The following HNRNPUL1 variants were observed in gnomAD, a reference collection of about 807,000 sequenced individuals.
HNRNPUL1 encodes the protein heterogeneous nuclear ribonucleoprotein U-like protein 1.
Under a neutral mutation model 108.5 loss-of-function variants are expected in HNRNPUL1, and 14 were observed. The observed-to-expected ratio is 0.13, with a 90% confidence interval of 0.09 to 0.20. The LOEUF is 0.20. Among genes scored for constraint, HNRNPUL1 ranks in the 10% least tolerant of loss-of-function variants. The pLI, the probability that HNRNPUL1 is intolerant of heterozygous loss-of-function variation, is 1.00. For synonymous variants in HNRNPUL1, 422 were observed against 445.2 expected (o/e 0.95, Z 0.66); for missense variants, 804 against 1,168.3 (o/e 0.69, Z 4.55).
chr19:41,280,781 C>T (rs1419528653), intron 6 of HNRNPUL1: 1 of 191,614 alleles, frequency 5.2e-6, no homozygotes, highest in African/African-American at 2.3e-5. Context: ...AATCCAGCCC[C>T]TTCACTGATT....
At chr19:41,266,922 TAG>T (rs778281854) in intron 1 of HNRNPUL1, among the ~76,000 whole-genome samples, 3 of 152,162 alleles carry the variant, frequency 2.0e-5, no homozygotes, top group Non-Finnish European at 4.4e-5. Context: ...TGTGTGTGTC[TAG>T]AGCAGGAGGG....
At chr19:41,306,339 C>T in intron 14 of HNRNPUL1, 110 bp from the exon 15 acceptor site, 1 of 684,578 alleles carries the variant, frequency 1.5e-6, no homozygotes, top group Non-Finnish European at 2.5e-6. Context: ...GACCTGTGTT[C>T]AACTGTTGTC....
upstream of HNRNPUL1, among the ~76,000 whole-genome samples, chr19:41,263,484 G>A (rs1214989046): frequency 6.6e-6 from 1 of 152,162 alleles, no homozygotes; most frequent in Non-Finnish European, 1.5e-5. Context: ...TCCACGTCAG[G>A]TACCCGACCA....
chr19:41,276,976 C>T (rs2035594308), intron 5 of HNRNPUL1, among the ~76,000 whole-genome samples: 1 of 151,636 alleles, frequency 6.6e-6, no homozygotes, highest in Non-Finnish European at 1.5e-5. Flanking sequence ...CGGGTGCCTG[C>T]AATCCTAGCT....
intron 7 of HNRNPUL1, among the ~76,000 whole-genome samples, chr19:41,287,272 C>T (rs907318535): frequency 3.3e-5 from 5 of 152,046 alleles, no homozygotes; most frequent in African/African-American, 1.2e-4. Context: ...CCTCGGCCTC[C>T]CAGAGTGCTA....
Position 41,292,312 on chromosome 19 carries a change from T to A in HNRNPUL1, c.1067T>A (p.Phe356Tyr). The part of the protein sequence containing the change: ...TKNGKWMGIA[F>Y]RIQKEALGGQ... Reference sequence around the variant, plus strand: ...AATGGAAAGTGGATGGGCATTGCTTTCCGAATCCAGAAGGAAGCCTTGGGG... The same window carrying A: ...AATGGAAAGTGGATGGGCATTGCTTACCGAATCCAGAAGGAAGCCTTGGGG... The change falls in exon 8 of 15, where the codon TTC becomes TAC. Residue 356 changes from phenylalanine (F) to tyrosine (Y), a missense_variant. Phe to Tyr is a conservative substitution (Grantham distance 22, BLOSUM62 3). Coordinates refer to ENST00000392006, the MANE Select transcript of HNRNPUL1 (RefSeq NM_007040.6). This position sits in a 1 kb window ranked among gnomAD's most constrained non-coding sequence, Gnocchi z 4.1. The A allele has an allele frequency of 6.2e-7, 1 of 1,614,236 alleles. No individual in the cohort carries two copies. The highest frequency in any genetic ancestry group is 1.3e-5 in the African/African-American group (1 of 75,070).
At chr19:41,303,130 T>A (rs1206520700) in intron 12 of HNRNPUL1, among the ~76,000 whole-genome samples, 181 bp downstream of exon 12, 1 of 152,208 alleles carries the variant, frequency 6.6e-6, no homozygotes, top group African/African-American at 2.4e-5. Flanking sequence ...TCCCACTCCC[T>A]GGACGCTGGT....
chr19:41,286,235 A>G (rs1455946848), intron 7 of HNRNPUL1, among the ~76,000 whole-genome samples: 1 of 151,444 alleles, frequency 6.6e-6, no homozygotes, highest in African/African-American at 2.4e-5. Context: ...AGTTTTTTCA[A>G]ATTGTTGCAA....
At chr19:41,275,249 ATGG>A (rs1184894582) in intron 4 of HNRNPUL1, among the ~76,000 whole-genome samples, 1 of 152,160 alleles carries the variant, frequency 6.6e-6, no homozygotes, top group African/African-American at 2.4e-5. Flanking sequence ...GTAGGAATAT[ATGG>A]TGGTGGTGAT....
intron 2 of HNRNPUL1, 71 bp downstream of exon 2, chr19:41,268,416 A>G: frequency 6.6e-7 from 1 of 1,511,590 alleles, no homozygotes; most frequent in South Asian, 1.3e-5. Flanking sequence ...CCCTGCTTAG[A>G]GCGGGTCTTC....
At chr19:41,277,662 CT>C (rs2035652193) in intron 5 of HNRNPUL1, among the ~76,000 whole-genome samples, 2 of 151,978 alleles carry the variant, frequency 1.3e-5, no homozygotes, top group African/African-American at 4.8e-5. Context: ...ATGTGCCACC[CT>C]GCCCGGCTAA....
chr19:41,295,413 T>C (rs2036835192), intron 10 of HNRNPUL1, among the ~76,000 whole-genome samples: 1 of 152,240 alleles, frequency 6.6e-6, no homozygotes, highest in Non-Finnish European at 1.5e-5. Context: ...TCCCTATCTT[T>C]CAGCATTCTC....
rs571758491 is a variant in HNRNPUL1 at position 41,302,421 on chromosome 19, G to GT, written c.1688-242dup. On this transcript the variant is annotated intron_variant, in intron 11 of 14. Coordinates refer to ENST00000392006, the MANE Select transcript of HNRNPUL1 (RefSeq NM_007040.6). The stretch of plus-strand genomic sequence containing the variant: ...TTTAGTAGAGATGGGGTTTTGCCAT[G>GT]TTGGCCAGGCTGGTCTTGAACTCCT... 4.0e-4 allele frequency: 217 copies of GT among 543,238 alleles called. 2 individuals are homozygous for GT. In the East Asian group the frequency reaches 8.4e-3, roughly 21 times the overall value. 33.7% of individuals were successfully genotyped at this position (543,238 alleles called of 1,614,324 possible).
rs2035634362 is a variant in HNRNPUL1, at chr19:41,291,183, A to G, written c.1000-1062A>G. 7.9e-5 allele frequency among the ~76,000 whole-genome samples: 12 copies of G among 152,342 alleles called. No individual in the cohort carries two copies. In the South Asian group the frequency reaches 2.5e-3, roughly 32 times the overall value. ...CCCCCTCATCTTTTATGCCTCAGCCAATCTGACCTTGTGTTCTGTCACTGC... is the reference window on the plus strand; with the variant it reads ...CCCCCTCATCTTTTATGCCTCAGCCGATCTGACCTTGTGTTCTGTCACTGC... On this transcript the variant is annotated intron_variant, in intron 7 of 14. Coordinates refer to ENST00000392006, the MANE Select transcript of HNRNPUL1 (RefSeq NM_007040.6).
intron 7 of HNRNPUL1, among the ~76,000 whole-genome samples, chr19:41,287,913 A>G (rs1340181150): frequency 6.6e-6 from 1 of 152,158 alleles, no homozygotes; most frequent in Non-Finnish European, 1.5e-5. Context: ...TTCATACTCT[A>G]CAAATTGTTC....
chr19:41,283,646 G>A (rs1232160942), intron 7 of HNRNPUL1, among the ~76,000 whole-genome samples: 1 of 152,136 alleles, frequency 6.6e-6, no homozygotes, highest in Non-Finnish European at 1.5e-5. Flanking sequence ...AGTAGAGTTG[G>A]GGTTTCGCCG....
intron 10 of HNRNPUL1, among the ~76,000 whole-genome samples, chr19:41,300,429 C>T (rs1045885225): frequency 7.9e-5 from 12 of 151,922 alleles, no homozygotes; most frequent in Non-Finnish European, 1.6e-4. Flanking sequence ...TGTTTAAATG[C>T]AGTTAAAAAC....
chr19:41,305,608 C>T lies in HNRNPUL1; in HGVS notation c.2263-68C>T, dbSNP rs1351626884. The stretch of plus-strand genomic sequence containing the variant: ...CACTTAAAAAGGCCCTTTTTCCATC[C>T]CAGCATTTCACATCTGCAGATTTCC... On this transcript the variant is annotated intron_variant, in intron 13 of 14. Transcript: ENST00000392006. 2.5e-6 allele frequency: 4 copies of T among 1,595,826 alleles called. No homozygotes were observed. In the Admixed American group the frequency reaches 6.8e-5, roughly 27 times the overall value.
chr19:41,293,171 A>G (rs2036689192), intron 8 of HNRNPUL1, among the ~76,000 whole-genome samples: 2 of 152,218 alleles, frequency 1.3e-5, no homozygotes, highest in African/African-American at 4.8e-5. Context: ...TTTTTCTTGT[A>G]TGTGTAAGTT....
Sources: allele counts gnomAD v4.1 joint callset (sites outside exome capture counted in the v4.1 genomes callset), GRCh38; gene constraint gnomAD v4.1.1; non-coding constraint Gnocchi (gnomAD v3.1); transcripts MANE v1.5; gene names NCBI Gene and HGNC (gene_info 2026-07-23, HGNC 2026-07-21).